Variants in PRUNE1 observed in about 807,000 individuals in gnomAD.
PRUNE1 encodes exopolyphosphatase PRUNE1.
PRUNE1 carries 25 observed loss-of-function variants against 42.5 expected under a neutral mutation model. The ratio of observed to expected loss-of-function variants is 0.59; its 90% CI spans 0.43 to 0.82. The LOEUF is 0.82. PRUNE1 is among the 40% of genes least tolerant of loss of function. The pLI is 0.00. For synonymous variants in PRUNE1, 203 were observed against 217.1 expected (o/e 0.93, Z 0.57); for missense variants, 443 against 539.3 (o/e 0.82, Z 1.77).
At chr1:151,021,727 T>C (rs1469957428) in intron 3 of PRUNE1, among the ~76,000 whole-genome samples, 1 of 151,928 alleles carries the variant, frequency 6.6e-6, no homozygotes, top group Admixed American at 6.6e-5. Flanking sequence ...TTTTTTCTTT[T>C]TTTTTTTTGA....
At chr1:151,021,455 CA>C (rs941876967) in intron 3 of PRUNE1, among the ~76,000 whole-genome samples, 11 of 151,778 alleles carry the variant, frequency 7.2e-5, no homozygotes, top group African/African-American at 1.2e-4. Context: ...AACTCCGTCT[CA>C]AAAAAAAATT....
chr1:151,018,437 G>A, intron 2 of PRUNE1, 30 bp from the exon 3 acceptor site: 1 of 1,558,776 alleles, frequency 6.4e-7, no homozygotes, highest in Non-Finnish European at 8.8e-7. Context: ...ATAAAACCTT[G>A]TGATACCTTC....
chr1:151,011,489 C>T (rs1197442164), intron 1 of PRUNE1, among the ~76,000 whole-genome samples: 1 of 152,184 alleles, frequency 6.6e-6, no homozygotes, highest in Non-Finnish European at 1.5e-5. Context: ...AGGCAGGAAT[C>T]AGGAGCTGGC....
At chr1:151,021,146 CAAAA>C (rs1162451001) in intron 3 of PRUNE1, among the ~76,000 whole-genome samples, 3 of 80,610 alleles carry the variant, frequency 3.7e-5, no homozygotes, top group Admixed American at 1.4e-4. Flanking sequence ...TGCTCTGTCT[CAAAA>C]AAAAAAAAAA....
chr1:151,029,082 T>A, intron 7 of PRUNE1, 138 bp downstream of exon 7: 1 of 815,600 alleles, frequency 1.2e-6, no homozygotes, highest in Non-Finnish European at 1.8e-6. Flanking sequence ...TTGACCTGTT[T>A]CTGGACCTGT....
At chr1:151,025,390 C>T in intron 4 of PRUNE1, 125 bp from the exon 5 acceptor site, 2 of 970,120 alleles carry the variant, frequency 2.1e-6, no homozygotes, top group South Asian at 2.3e-5. Context: ...TCTCATTTTG[C>T]TTTCAGAGAT....
At chr1:151,023,867 A>G (rs1475691409) in intron 3 of PRUNE1, among the ~76,000 whole-genome samples, 1 of 151,920 alleles carries the variant, frequency 6.6e-6, no homozygotes, top group Non-Finnish European at 1.5e-5. Context: ...CACTATTTAA[A>G]GATGACTCCA....
intron 5 of PRUNE1, among the ~76,000 whole-genome samples, chr1:151,026,529 C>T (rs1237660627): frequency 6.6e-6 from 1 of 151,780 alleles, no homozygotes; most frequent in Non-Finnish European, 1.5e-5. Flanking sequence ...ATAAAATATG[C>T]TGAGAGTATA....
In PRUNE1 at chr1:151,008,619, C is replaced by T; in HGVS notation, c.-14C>T. 1 of 1,614,168 alleles carries T rather than the reference C, an allele frequency of 6.2e-7. No individual in the cohort carries two copies. Among genetic ancestry groups the T allele is most frequent in the Non-Finnish European group, 8.5e-7 (1 of 1,180,026 alleles). ...CTACTCGACCAGGGGCGACGGCGTA[C>T]TTTGGGCTTCATCATGGAGGACTAC... On this transcript the variant is annotated 5_prime_UTR_variant, in exon 1 of 8. Transcript: ENST00000271620.
At position 151,027,775 on chromosome 1, in the gene PRUNE1, T is replaced by TGCGC. The variant is rs1240633704; in HGVS notation, c.774+449_774+450insCGCG. ...GTGTGTGTGTGTGTGTGTGTGTGTG[T>TGCGC]GTGTGTGCGCGCGCGTGTATGTATG... On this transcript the variant is annotated intron_variant, in intron 6 of 7. Transcript: ENST00000271620. Among the ~76,000 whole-genome samples, 212 of 141,202 alleles carry TGCGC rather than the reference T, an allele frequency of 1.5e-3. 1 individual carries two copies. The highest frequency in any genetic ancestry group is 6.2e-3 in the African/African-American group (202 of 32,416). 92.6% of individuals were successfully genotyped at this position (141,202 alleles called of 152,430 possible). A position where few individuals can be genotyped will look rare whatever the true frequency, so the allele number is the denominator to read the frequency against.
In PRUNE1 at chr1:151,008,880, C is replaced by T. The variant is rs80002732; in HGVS notation, c.39+209C>T. 1,135 of 712,562 alleles carry T rather than the reference C, an allele frequency of 1.6e-3. 10 individuals carry two copies. The highest frequency in any genetic ancestry group is 0.014 in the East Asian group (491 of 35,948). 44.1% of individuals were successfully genotyped at this position (712,562 alleles called of 1,614,324 possible). A position where few individuals can be genotyped will look rare whatever the true frequency, so the allele number is the denominator to read the frequency against. ...TGAGAATGCTGCTTGTTCAGTCTCC[C>T]GGTTTTTGGCTCCCCGCCTTTGGGG... On this transcript the variant is annotated intron_variant, in intron 1 of 7. Transcript: ENST00000271620.
At chr1:151,008,759 C>A in intron 1 of PRUNE1, 88 bp downstream of exon 1, 1 of 1,500,272 alleles carries the variant, frequency 6.7e-7, no homozygotes, top group South Asian at 1.1e-5. Flanking sequence ...CCTCGACGGT[C>A]CGTGTGGAGG....
intron 5 of PRUNE1, 21 bp from the exon 6 acceptor site, chr1:151,027,212 A>G: frequency 6.4e-7 from 1 of 1,563,136 alleles, no homozygotes; most frequent in Non-Finnish European, 8.8e-7. Context: ...TTTGACCCCT[A>G]GTCTCTCATC....
Position 151,008,612 on chromosome 1 carries a change from C to T in PRUNE1, c.-21C>T. 6.2e-7 allele frequency: 1 copy of T among 1,614,114 alleles called. No homozygotes were observed. On this transcript the variant is annotated 5_prime_UTR_variant, in exon 1 of 8. It adds an upstream start codon to the 5' untranslated region. Coordinates refer to ENST00000271620, the MANE Select transcript of PRUNE1 (RefSeq NM_021222.3). ...GGCACCTCTACTCGACCAGGGGCGA[C>T]GGCGTACTTTGGGCTTCATCATGGA...
chr1:151,013,458 C>T (rs1673906760), intron 1 of PRUNE1, among the ~76,000 whole-genome samples: 3 of 152,330 alleles, frequency 2.0e-5, no homozygotes, highest in Admixed American at 2.0e-4. Flanking sequence ...GACTTCAGAA[C>T]CATACCACTG....
chr1:151,033,703 T>C (rs2102948676), intron 7 of PRUNE1, 103 bp from the exon 8 acceptor site: 2 of 1,242,954 alleles, frequency 1.6e-6, no homozygotes, highest in East Asian at 4.7e-5. Flanking sequence ...CCGACTTACT[T>C]TTTAAAAGCT....
intron 1 of PRUNE1, among the ~76,000 whole-genome samples, chr1:151,013,983 C>CTT (rs776102467): frequency 6.2e-5 from 9 of 145,018 alleles, no homozygotes; most frequent in Non-Finnish European, 1.1e-4. Context: ...TGCTTCCACA[C>CTT]TTTTTTTTTT....
intron 1 of PRUNE1, among the ~76,000 whole-genome samples, chr1:151,009,647 G>A (rs1673625739): frequency 6.6e-6 from 1 of 152,186 alleles, no homozygotes; most frequent in Admixed American, 6.6e-5. Flanking sequence ...TCCCCTGAGG[G>A]ACAGATTCTG....
At chr1:151,010,563 A>G (rs1221564377) in intron 1 of PRUNE1, among the ~76,000 whole-genome samples, 1 of 152,134 alleles carries the variant, frequency 6.6e-6, no homozygotes, top group Middle Eastern at 3.4e-3. Flanking sequence ...GCATCATCAC[A>G]TAGCCTCTCC....
Sources: allele counts gnomAD v4.1 joint callset (sites outside exome capture counted in the v4.1 genomes callset), GRCh38; gene constraint gnomAD v4.1.1; transcripts MANE v1.5; gene names NCBI Gene and HGNC (gene_info 2026-07-23, HGNC 2026-07-21).